Variants in NOS1AP observed in about 807,000 individuals in gnomAD.
NOS1AP encodes the protein nitric oxide synthase 1 adaptor protein.
NOS1AP carries 21 observed loss-of-function variants against 56.2 expected under a neutral mutation model. The ratio of observed to expected loss-of-function variants is 0.37; its 90% CI spans 0.26 to 0.54. The LOEUF (loss-of-function observed/expected upper bound fraction) is 0.54. NOS1AP is among the 20% of genes least tolerant of loss of function. The pLI is 0.84. For missense variants in NOS1AP, 522 were observed against 657.8 expected, an observed-to-expected ratio of 0.79 and a Z score of 2.26; for synonymous variants, 270 against 274.6, an observed-to-expected ratio of 0.98 and a Z score of 0.17.
intron 1 of NOS1AP, among the ~76,000 whole-genome samples, chr1:162,084,307 A>G (rs1474066883): frequency 6.6e-6 from 1 of 152,182 alleles, no homozygotes; most frequent in Non-Finnish European, 1.5e-5. Context: ...CTCCTGTTCT[A>G]GCAGGAGAGC....
rs377413495 is a variant in NOS1AP, at chr1:162,264,811, C to T, written c.178-22533C>T. Among the ~76,000 whole-genome samples, 52 of 81,352 alleles carry T rather than the reference C, an allele frequency of 6.4e-4. 2 individuals carry two copies. Among genetic ancestry groups the T allele is most frequent in the African/African-American group, 2.1e-3 (49 of 23,202 alleles). The allele number at this position is 81,352 out of a possible 152,430, so 53.4% of individuals were successfully genotyped here. A position where few individuals can be genotyped will look rare whatever the true frequency, so the allele number is the denominator to read the frequency against. On this transcript the variant is annotated intron_variant, in intron 2 of 9. Transcript: ENST00000361897. ...CAAAGTGTGCGTGAGCCACCGCGCC[C>T]GACCTTTTTTTTTTTTTTTCAAGAC...
chr1:162,171,594 C>A (rs1209796144), intron 2 of NOS1AP, among the ~76,000 whole-genome samples: 1 of 152,142 alleles, frequency 6.6e-6, no homozygotes, highest in African/African-American at 2.4e-5. Flanking sequence ...ATCTTTGTCT[C>A]AGCCATCCCC....
At chr1:162,338,854 T>G (rs1459229615) in intron 5 of NOS1AP, 1 of 152,212 alleles carries the variant, frequency 6.6e-6, no homozygotes, top group Non-Finnish European at 1.5e-5. Context: ...CCACAGTGAT[T>G]GTGAATATAG....
chr1:162,209,591 C>G (rs544594875), intron 2 of NOS1AP, among the ~76,000 whole-genome samples: 13 of 152,224 alleles, frequency 8.5e-5, no homozygotes, highest in African/African-American at 2.6e-4. Flanking sequence ...CTTTATGATA[C>G]CTTCTACCAC....
At chr1:162,238,607 ATAATT>A (rs1361725487) in intron 2 of NOS1AP, among the ~76,000 whole-genome samples, 2 of 152,258 alleles carry the variant, frequency 1.3e-5, no homozygotes, top group Non-Finnish European at 2.9e-5. Context: ...TTGTAATTGA[ATAATT>A]TAATTATTAC....
chr1:162,348,699 G>A (rs972087604), intron 6 of NOS1AP, among the ~76,000 whole-genome samples: 4 of 152,174 alleles, frequency 2.6e-5, no homozygotes, highest in Admixed American at 1.3e-4. Flanking sequence ...GATCAAGCAT[G>A]GGCTGGATAT....
At chr1:162,332,958 G>T (rs1571225060) in intron 4 of NOS1AP, 59 bp from the exon 5 acceptor site, 2 of 1,177,138 alleles carry the variant, frequency 1.7e-6, no homozygotes, top group East Asian at 2.3e-5. Context: ...GAGCTTTCCT[G>T]GTTGGAGATT....
intron 4 of NOS1AP, among the ~76,000 whole-genome samples, chr1:162,327,346 A>C (rs1447612223): frequency 6.6e-6 from 1 of 152,246 alleles, no homozygotes; most frequent in East Asian, 1.9e-4. Flanking sequence ...GTTCCTGAAA[A>C]ATATGATTGC....
At position 162,070,431 on chromosome 1, in the gene NOS1AP, G is replaced by C. The variant is rs1691637102; in HGVS notation, c.105+149G>C. The C allele has an allele frequency of 2.7e-5, 18 of 677,242 alleles. No homozygotes were observed. The South Asian group carries it at 3.1e-4, about 12-fold the overall frequency. The allele number at this position is 677,242 out of a possible 1,614,324, so 42.0% of individuals were successfully genotyped here. On this transcript the variant is annotated intron_variant, in intron 1 of 9. Transcript: ENST00000361897. ...CTTAGGGAGGGTAACTCTCCCTTCT[G>C]AGTCTATAATTCCGCGGGCTCCTGC...
At chr1:162,314,333 A>G (rs1656159754) in intron 4 of NOS1AP, among the ~76,000 whole-genome samples, 1 of 152,336 alleles carries the variant, frequency 6.6e-6, no homozygotes, top group Non-Finnish European at 1.5e-5. Flanking sequence ...CTAATGATGG[A>G]AAATTAAATT....
chr1:162,222,059 C>T (rs754330647), intron 2 of NOS1AP, among the ~76,000 whole-genome samples: 5 of 152,190 alleles, frequency 3.3e-5, no homozygotes, highest in Middle Eastern at 6.8e-3. Flanking sequence ...CAATGAATTT[C>T]GCTTCTATTT....
At chr1:162,355,783 G>A (rs972049058) in intron 7 of NOS1AP, among the ~76,000 whole-genome samples, 1 of 152,126 alleles carries the variant, frequency 6.6e-6, no homozygotes, top group African/African-American at 2.4e-5. Flanking sequence ...TAATTCCTGT[G>A]GATAGCACTT....
intron 2 of NOS1AP, among the ~76,000 whole-genome samples, chr1:162,276,837 T>A (rs1654747783): frequency 6.6e-6 from 1 of 152,198 alleles, no homozygotes; most frequent in South Asian, 2.1e-4. Context: ...AGAGTTTGAT[T>A]TGGGGCCATC....
At chr1:162,338,947 G>A (rs903067052) in intron 5 of NOS1AP, among the ~76,000 whole-genome samples, 2 of 152,194 alleles carry the variant, frequency 1.3e-5, no homozygotes, top group Non-Finnish European at 2.9e-5. Flanking sequence ...TAGGTGTGCT[G>A]AGGAGAACAG....
At chr1:162,357,316 G>A in intron 8 of NOS1AP, 180 bp downstream of exon 8, 1 of 1,185,942 alleles carries the variant, frequency 8.4e-7, no homozygotes, top group Non-Finnish European at 1.2e-6. Flanking sequence ...GGGGGATGCA[G>A]TTGAAATGGA....
At chr1:162,118,581 A>G (rs1648068680) in intron 1 of NOS1AP, among the ~76,000 whole-genome samples, 2 of 152,176 alleles carry the variant, frequency 1.3e-5, no homozygotes, top group Admixed American at 6.5e-5. Context: ...TGATAGAATC[A>G]AGTGCTTTGT....
At chr1:162,208,988 C>T (rs1178305125) in intron 2 of NOS1AP, among the ~76,000 whole-genome samples, 1 of 152,204 alleles carries the variant, frequency 6.6e-6, no homozygotes, top group Admixed American at 6.5e-5. Flanking sequence ...CTTGCTGACT[C>T]ACAGGCCTGC....
intron 1 of NOS1AP, among the ~76,000 whole-genome samples, chr1:162,134,601 A>C (rs991834805): frequency 2.0e-5 from 3 of 151,838 alleles, no homozygotes; most frequent in African/African-American, 7.3e-5. Flanking sequence ...AGGATTAAGG[A>C]ATCCTGAAAA....
rs569382837 is a variant in NOS1AP at position 162,073,833 on chromosome 1, T to G, written c.105+3551T>G. Among the ~76,000 whole-genome samples, 342 of 152,306 alleles carry G rather than the reference T, an allele frequency of 2.2e-3. 2 individuals carry two copies. The highest frequency in any genetic ancestry group is 3.7e-3 in the Non-Finnish European group (249 of 68,022). On this transcript the variant is annotated intron_variant, in intron 1 of 9. Transcript: ENST00000361897. ...CTGCTTGCCAGGGAAACCTGTTGTC[T>G]GTGTTCAGAGTGGGTACCTGGCTTA... is the stretch of plus-strand genomic sequence containing the variant.
Sources: allele counts gnomAD v4.1 joint callset (sites outside exome capture counted in the v4.1 genomes callset), GRCh38; gene constraint gnomAD v4.1.1; transcripts MANE v1.5; gene names NCBI Gene and HGNC (gene_info 2026-07-23, HGNC 2026-07-21).